Variants in SH3BP4 observed in about 807,000 individuals in gnomAD.
The protein encoded by SH3BP4 is SH3 domain binding protein 4.
SH3BP4 carries 33 observed loss-of-function variants against 65.5 expected under a neutral mutation model. That is an observed-to-expected ratio of 0.50 (90% CI 0.38 to 0.67). The LOEUF is 0.67. Among genes scored for constraint, SH3BP4 ranks in the 30% least tolerant of loss-of-function variants. The probability of loss-of-function intolerance (pLI) is 0.00; values close to 1 mark genes in which losing one functional copy is unlikely to be tolerated. For missense variants in SH3BP4, 1,134 were observed against 1,261.4 expected, an observed-to-expected ratio of 0.90 and a Z score of 1.53; for synonymous variants, 552 against 545.5, an observed-to-expected ratio of 1.01 and a Z score of -0.17.
chr2:235,049,310 G>A (rs773897190), intron 4 of SH3BP4, among the ~76,000 whole-genome samples: 1 of 152,150 alleles, frequency 6.6e-6, no homozygotes, highest in South Asian at 2.1e-4. Context: ...TTGATCACTC[G>A]CACCAGGAAT....
At chr2:235,008,085 T>C (rs535589083) in intron 2 of SH3BP4, among the ~76,000 whole-genome samples, 6 of 152,270 alleles carry the variant, frequency 3.9e-5, no homozygotes, top group African/African-American at 9.6e-5. Flanking sequence ...CCCTGGGACT[T>C]GGCCCTCTGT....
intron 4 of SH3BP4, among the ~76,000 whole-genome samples, chr2:235,050,323 T>C (rs1487340789): frequency 3.3e-5 from 5 of 152,070 alleles, no homozygotes; most frequent in Admixed American, 1.3e-4. Flanking sequence ...TTCACTGTGT[T>C]AGCCAGGATG....
intron 2 of SH3BP4, among the ~76,000 whole-genome samples, chr2:234,998,088 A>G (rs1214475736): frequency 6.6e-6 from 1 of 152,040 alleles, no homozygotes; most frequent in African/African-American, 2.4e-5. Context: ...GCACCACTGC[A>G]CTCCAGCCTG....
intron 4 of SH3BP4, 41 bp downstream of exon 4, chr2:235,043,288 T>C (rs1474441847): frequency 6.7e-7 from 1 of 1,491,106 alleles, no homozygotes; most frequent in East Asian, 2.3e-5. Context: ...GGGGTGCTGC[T>C]CAGCAAAGCC....
Position 235,025,294 on chromosome 2 carries a change from A to AAGAT in SH3BP4, c.-132-9577_-132-9576insAGAT, listed in dbSNP as rs1262300642. On this transcript the variant is annotated intron_variant, in intron 2 of 5. Transcript: ENST00000392011. ...GTGAAGAGCTTTGACCCAGGAGCGC[A>AAGAT]CTAGGGAAGCGAGCCAAGGTGTCTG... 6.6e-5 allele frequency among the ~76,000 whole-genome samples: 10 copies of AAGAT among 152,164 alleles called. No individual in the cohort carries two copies. In the East Asian group the frequency reaches 1.9e-3, roughly 29 times the overall value.
At chr2:234,970,040 CACTT>C (rs199551915) in intron 1 of SH3BP4, among the ~76,000 whole-genome samples, 1 of 140,386 alleles carries the variant, frequency 7.1e-6, no homozygotes, top group African/African-American at 3.1e-5. Context: ...CTCACAAATA[CACTT>C]ACTCACACAC....
chr2:235,054,578 G>A lies in SH3BP4; in HGVS notation c.*762G>A, dbSNP rs1696167757. ...TGCCAATAGATTAGAAAGCAGCCAT[G>A]AGTTGACAGTCTTTAGGGCCCCTGC... On this transcript the variant is annotated 3_prime_UTR_variant, in exon 6 of 6. Coordinates refer to ENST00000392011, the MANE Select transcript of SH3BP4 (RefSeq NM_014521.3). 6.6e-6 allele frequency: 1 copy of A among 152,248 alleles called. No individual in the cohort carries two copies. The highest frequency in any genetic ancestry group is 1.5e-5 in the Non-Finnish European group (1 of 68,054). 9.4% of individuals were successfully genotyped at this position (152,248 alleles called of 1,614,324 possible). A position where few individuals can be genotyped will look rare whatever the true frequency, so the allele number is the denominator to read the frequency against.
rs1183926258 is a variant in SH3BP4, at chr2:234,967,508, T to G, written c.-207+15338T>G. ...TCTTCCCTGCCTGCTTGGAGTCTCC[T>G]GCAGCAGTCCTCGACCTTCCAGCCC... On this transcript the variant is annotated intron_variant, in intron 1 of 5. Coordinates refer to ENST00000392011, the MANE Select transcript of SH3BP4 (RefSeq NM_014521.3). The surrounding 1 kb of genome is among the most constrained non-coding windows in gnomAD (Gnocchi z 4.6). Among the ~76,000 whole-genome samples, 1 of 152,172 alleles carries G rather than the reference T, an allele frequency of 6.6e-6. No homozygotes were observed. The highest frequency in any genetic ancestry group is 1.5e-5 in the Non-Finnish European group (1 of 68,022).
Position 235,042,005 on chromosome 2 carries a change from C to A in SH3BP4, c.1236C>A (p.Gly412=). Reference sequence around the variant, plus strand: ...ACCTTTTTAGCAAAAGCACAGTGGGCCTCCAGTGCCTGAGGAGCGACTCGA... The same window carrying A: ...ACCTTTTTAGCAAAAGCACAGTGGGACTCCAGTGCCTGAGGAGCGACTCGA... ...KNDLFSKSTV[G]LQCLRSDSKE... Residue 412 remains glycine, a synonymous_variant, in exon 4 of 6, where the codon GGC becomes GGA. Transcript: ENST00000392011. This position sits in a 1 kb window ranked among gnomAD's most constrained non-coding sequence, Gnocchi z 7.3. The A allele has an allele frequency of 6.2e-7, 1 of 1,613,854 alleles. No homozygotes were observed.
At chr2:235,024,780 AAAG>A (rs1254628638) in intron 2 of SH3BP4, among the ~76,000 whole-genome samples, 1 of 152,200 alleles carries the variant, frequency 6.6e-6, no homozygotes, top group Non-Finnish European at 1.5e-5. Flanking sequence ...GTTGATTGAT[AAAG>A]AAGTATTAAT....
intron 2 of SH3BP4, among the ~76,000 whole-genome samples, chr2:235,019,997 A>C (rs1694804938): frequency 1.3e-5 from 2 of 152,204 alleles, no homozygotes; most frequent in African/African-American, 4.8e-5. Context: ...AAGAAACTCA[A>C]GCTGGAGCTT....
At position 235,055,009 on chromosome 2, in the gene SH3BP4, G is replaced by A. The variant is rs542549677; in HGVS notation, c.*1193G>A. On this transcript the variant is annotated 3_prime_UTR_variant, in exon 6 of 6. Transcript: ENST00000392011. The stretch of plus-strand genomic sequence containing the variant: ...ATCATCTGAGCAAGATGAGCATTTT[G>A]TAAAAATGAAAATGTGACTCACATA... The A allele has an allele frequency of 6.6e-6, 1 of 152,332 alleles. No individual in the cohort carries two copies. The highest frequency in any genetic ancestry group is 1.9e-4 in the East Asian group (1 of 5,190). 9.4% of individuals were successfully genotyped at this position (152,332 alleles called of 1,614,324 possible). A position where few individuals can be genotyped will look rare whatever the true frequency, so the allele number is the denominator to read the frequency against.
intron 2 of SH3BP4, among the ~76,000 whole-genome samples, chr2:235,012,714 C>T (rs546617455): frequency 4.9e-4 from 74 of 152,358 alleles, no homozygotes; most frequent in African/African-American, 1.7e-3. Flanking sequence ...CACATCTAAC[C>T]CTAAAATGCG....
At chr2:234,985,816 C>T (rs1351783288) in intron 1 of SH3BP4, among the ~76,000 whole-genome samples, 16 of 151,004 alleles carry the variant, frequency 1.1e-4, no homozygotes, top group East Asian at 2.0e-4. Flanking sequence ...CACACGCCTA[C>T]GAGCTCAAGG....
At chr2:235,029,657 T>A (rs1182626143) in intron 2 of SH3BP4, among the ~76,000 whole-genome samples, 1 of 152,238 alleles carries the variant, frequency 6.6e-6, no homozygotes, top group Admixed American at 6.5e-5. Context: ...TTCATACAAG[T>A]ACATAATTTT....
intron 2 of SH3BP4, among the ~76,000 whole-genome samples, chr2:235,006,094 G>A (rs113591945): frequency 1.3e-5 from 2 of 151,808 alleles, no homozygotes; most frequent in African/African-American, 4.8e-5. Context: ...GGGCTGGCTG[G>A]AGTGGAGTGA....
chr2:235,002,281 A>C (rs1694127211), intron 2 of SH3BP4, among the ~76,000 whole-genome samples: 1 of 152,160 alleles, frequency 6.6e-6, no homozygotes, highest in African/African-American at 2.4e-5. Context: ...GGCTTATTTT[A>C]TATTTAAATT....
At position 235,033,010 on chromosome 2, in the gene SH3BP4, T is replaced by G. The variant is rs920462221; in HGVS notation, c.-132-1861T>G. Among the ~76,000 whole-genome samples the G allele has an allele frequency of 1.3e-5, 2 of 152,156 alleles. No homozygotes were observed. Among genetic ancestry groups the G allele is most frequent in the African/African-American group, 4.8e-5 (2 of 41,442 alleles). On this transcript the variant is annotated intron_variant, in intron 2 of 5. Transcript: ENST00000392011. The surrounding 1 kb of genome is among the most constrained non-coding windows in gnomAD (Gnocchi z 5.7). ...TAACTGGCCTGGGTGAGTGCTGGCC[T>G]CCACTCTGCCCCTCCTTACACTGCT...
At chr2:234,962,747 C>CT (rs555993781) in intron 1 of SH3BP4, among the ~76,000 whole-genome samples, 1,527 of 146,252 alleles carry the variant, frequency 0.01, 26 homozygotes, top group African/African-American at 0.035. Flanking sequence ...GAATACTATG[C>CT]TTTTTTTTTT....
Sources: gnomAD v4.1 joint callset for allele counts (sites outside exome capture counted in the v4.1 genomes callset) on GRCh38, gnomAD v4.1.1 for gene constraint, Gnocchi (gnomAD v3.1) non-coding constraint, MANE v1.5 for transcripts, NCBI Gene and HGNC (gene_info 2026-07-23, HGNC 2026-07-21) for gene names.